Variants in SGCZ observed in about 807,000 individuals in gnomAD.
SGCZ encodes the protein sarcoglycan zeta.
In SGCZ, 40 loss-of-function variants were observed where a neutral mutation model predicts 41.3. The ratio of observed to expected loss-of-function variants is 0.97; its 90% CI spans 0.75 to 1.26. The LOEUF (loss-of-function observed/expected upper bound fraction) is 1.26, where lower values mean the gene tolerates loss of function less well. Among genes scored for constraint, SGCZ ranks in the 50% most tolerant of loss-of-function variants. SGCZ has a pLI of 0.00. For synonymous variants in SGCZ, 206 were observed against 137.5 expected (o/e 1.50, Z -3.49); for missense variants, 552 against 369.8 (o/e 1.49, Z -4.04).
intron 5 of SGCZ, among the ~76,000 whole-genome samples, chr8:14,142,167 A>T (rs1182693845): frequency 6.6e-6 from 1 of 152,050 alleles, no homozygotes; most frequent in Non-Finnish European, 1.5e-5. Flanking sequence ...GGGCCTGTCG[A>T]GGGGTGGAGG....
intron 2 of SGCZ, among the ~76,000 whole-genome samples, chr8:14,329,144 T>A (rs1023097075): frequency 6.6e-6 from 1 of 152,192 alleles, no homozygotes; most frequent in Admixed American, 6.5e-5. Flanking sequence ...GATTTACCTA[T>A]TGTTCACAGA....
chr8:14,181,247 T>C (rs1188034772), intron 4 of SGCZ, among the ~76,000 whole-genome samples: 1 of 152,150 alleles, frequency 6.6e-6, no homozygotes, highest in African/African-American at 2.4e-5. Flanking sequence ...GAGCTGAAAA[T>C]ATCTTTCTGA....
chr8:14,720,647 C>T (rs1295054717), intron 1 of SGCZ, among the ~76,000 whole-genome samples: 1 of 152,012 alleles, frequency 6.6e-6, no homozygotes, highest in Non-Finnish European at 1.5e-5. Flanking sequence ...TAAGTTTTAT[C>T]ACAACCCAGC....
At chr8:14,877,253 G>A (rs1804398988) in intron 1 of SGCZ, among the ~76,000 whole-genome samples, 1 of 152,126 alleles carries the variant, frequency 6.6e-6, no homozygotes, top group Non-Finnish European at 1.5e-5. Context: ...ATTACCAAGT[G>A]TGAGCCACCA....
At chr8:14,931,124 T>G (rs1465062002) in intron 1 of SGCZ, among the ~76,000 whole-genome samples, 1 of 152,096 alleles carries the variant, frequency 6.6e-6, no homozygotes, top group African/African-American at 2.4e-5. Context: ...GTCTTAGATA[T>G]TATATTAGCT....
intron 1 of SGCZ, among the ~76,000 whole-genome samples, chr8:15,074,378 A>G (rs970588303): frequency 1.3e-5 from 2 of 152,156 alleles, no homozygotes; most frequent in Admixed American, 6.5e-5. Context: ...ATTCTGTTAC[A>G]GTTACAACTC....
chr8:14,590,223 C>G (rs114907618), intron 1 of SGCZ, among the ~76,000 whole-genome samples: 1 of 151,748 alleles, frequency 6.6e-6, no homozygotes, highest in African/African-American at 2.4e-5. Context: ...TCTACTAGGA[C>G]AGAGGATATG....
intron 2 of SGCZ, among the ~76,000 whole-genome samples, chr8:14,538,111 G>T (rs1414546277): frequency 1.3e-5 from 2 of 151,930 alleles, no homozygotes; most frequent in Non-Finnish European, 2.9e-5. Flanking sequence ...GTTCTATCTG[G>T]TGCATATTTC....
intron 3 of SGCZ, among the ~76,000 whole-genome samples, chr8:14,279,168 T>A (rs28482834): frequency 1.3e-5 from 2 of 151,928 alleles, no homozygotes; most frequent in African/African-American, 4.8e-5. Context: ...ATTAAGAAGC[T>A]CAATAGGTCC....
At chr8:14,464,484 GTAT>G (rs1454068645) in intron 2 of SGCZ, among the ~76,000 whole-genome samples, 8 of 119,626 alleles carry the variant, frequency 6.7e-5, no homozygotes, top group African/African-American at 2.7e-4. Context: ...AATTTGAGTG[GTAT>G]TTTTTTTTTT....
At chr8:14,624,864 C>G (rs967974352) in intron 1 of SGCZ, among the ~76,000 whole-genome samples, 16 of 152,062 alleles carry the variant, frequency 1.1e-4, no homozygotes, top group Admixed American at 7.2e-4. Flanking sequence ...AGCCACCACA[C>G]CGGGCTATCA....
chr8:15,202,524 T>C (rs1800920514), intron 1 of SGCZ, among the ~76,000 whole-genome samples: 1 of 152,022 alleles, frequency 6.6e-6, no homozygotes, highest in Admixed American at 6.6e-5. Flanking sequence ...GGGTGAGGGA[T>C]AAAAGACTAC....
intron 1 of SGCZ, among the ~76,000 whole-genome samples, chr8:15,000,586 G>C (rs1050552750): frequency 6.6e-6 from 1 of 152,208 alleles, no homozygotes; most frequent in Non-Finnish European, 1.5e-5. Flanking sequence ...TCAAGATGGC[G>C]GCTCCATCTT....
In SGCZ at chr8:14,887,324, A is replaced by G. The variant is rs566931696; in HGVS notation, c.40-332398T>C. 3.3e-4 allele frequency among the ~76,000 whole-genome samples: 51 copies of G among 152,282 alleles called. No homozygotes were observed. In the South Asian group the frequency reaches 8.9e-3, roughly 27 times the overall value. On this transcript the variant is annotated intron_variant, in intron 1 of 7. Coordinates refer to ENST00000382080, the MANE Select transcript of SGCZ (RefSeq NM_139167.4). ...ATGGAGTCAGTCAACATTGACTCCA[A>G]TATTCATTGGATTAACTTGATTCAT...
chr8:15,031,915 CT>C (rs1803682265), intron 1 of SGCZ, among the ~76,000 whole-genome samples: 1 of 150,854 alleles, frequency 6.6e-6, no homozygotes, highest in Non-Finnish European at 1.5e-5. Context: ...CTCTCTCTCT[CT>C]CTCTCTCTCT....
chr8:14,715,823 T>C (rs1197070747), intron 1 of SGCZ, among the ~76,000 whole-genome samples: 3 of 152,092 alleles, frequency 2.0e-5, no homozygotes, highest in Non-Finnish European at 2.9e-5. Flanking sequence ...AAAATTCCAA[T>C]TTAGAGGAGC....
intron 1 of SGCZ, among the ~76,000 whole-genome samples, chr8:14,880,723 T>C (rs1804555036): frequency 1.3e-5 from 2 of 151,980 alleles, no homozygotes; most frequent in Admixed American, 6.6e-5. Context: ...AAACACAACA[T>C]GTTCTCACTC....
chr8:14,251,567 G>C (rs1403495377), intron 3 of SGCZ, among the ~76,000 whole-genome samples: 2 of 152,092 alleles, frequency 1.3e-5, no homozygotes, highest in African/African-American at 4.8e-5. Flanking sequence ...TTCTGATCTT[G>C]AAACTGAATC....
chr8:14,181,696 G>T (rs1363129621), intron 4 of SGCZ, among the ~76,000 whole-genome samples: 1 of 152,136 alleles, frequency 6.6e-6, no homozygotes, highest in Admixed American at 6.5e-5. Flanking sequence ...CTGCACAAGC[G>T]CTCTTGCCTG....
Sources: gnomAD v4.1 joint callset for allele counts (sites outside exome capture counted in the v4.1 genomes callset) on GRCh38, gnomAD v4.1.1 for gene constraint, MANE v1.5 for transcripts, NCBI Gene and HGNC (gene_info 2026-07-23, HGNC 2026-07-21) for gene names.